SLC25A13: variants seen among roughly 807,000 people sequenced by gnomAD.
SLC25A13 encodes the protein electrogenic aspartate/glutamate antiporter SLC25A13, mitochondrial.
A neutral mutation model predicts 85.5 loss-of-function variants in SLC25A13; 70 were observed. That is an observed-to-expected ratio of 0.82 (90% CI 0.68 to 1.00). SLC25A13 has a LOEUF of 1.00. Ranked by LOEUF, SLC25A13 falls within the 50% of genes least tolerant of loss-of-function variation. The probability of loss-of-function intolerance (pLI) is 0.00; values close to 1 mark genes in which losing one functional copy is unlikely to be tolerated. For synonymous variants in SLC25A13, 259 were observed against 288.7 expected, an observed-to-expected ratio of 0.90 and a Z score of 1.04; for missense variants, 765 against 819.8, an observed-to-expected ratio of 0.93 and a Z score of 0.82.
At chr7:96,281,426 A>G (rs1385096112) in intron 2 of SLC25A13, among the ~76,000 whole-genome samples, 1 of 152,054 alleles carries the variant, frequency 6.6e-6, no homozygotes, top group Non-Finnish European at 1.5e-5. Flanking sequence ...ACTAACTCCA[A>G]CTACATATGA....
chr7:96,129,875 T>C (rs1428154236), intron 15 of SLC25A13, among the ~76,000 whole-genome samples: 1 of 152,190 alleles, frequency 6.6e-6, no homozygotes, highest in Admixed American at 6.5e-5. Flanking sequence ...TGGGTAACAA[T>C]GCTTAAGACA....
In SLC25A13 at chr7:96,121,877, C is replaced by G; in HGVS notation, c.1712G>C (p.Arg571Pro). Reference protein sequence around the residue: ...GVIDCFRKILREEGPKALWKG... With the variant: ...GVIDCFRKILPEEGPKALWKG... ...CCACAGAGCTTTTGGTCCTTCTTCACGCAGTATCTTTCTAAAGCAGTCTAT... is the reference window on the plus strand; with the variant it reads ...CCACAGAGCTTTTGGTCCTTCTTCAGGCAGTATCTTTCTAAAGCAGTCTAT... The change falls in exon 16 of 18, where the codon CGT (arginine) becomes CCT (proline). Residue 571 changes from arginine (R) to proline (P), a missense_variant. Arg to Pro is a moderately radical substitution (Grantham distance 103, BLOSUM62 -2). Coordinates refer to ENST00000265631, the MANE Select transcript of SLC25A13 (RefSeq NM_014251.3). The G allele has an allele frequency of 1.2e-6, 2 of 1,614,174 alleles. No homozygotes were observed. Among genetic ancestry groups the G allele is most frequent in the Non-Finnish European group, 1.7e-6 (2 of 1,180,036 alleles).
chr7:96,294,719 C>T (rs575721882), intron 2 of SLC25A13, among the ~76,000 whole-genome samples: 1 of 152,280 alleles, frequency 6.6e-6, no homozygotes, highest in Admixed American at 6.5e-5. Flanking sequence ...ACTCTGTCAT[C>T]CAGGCTGGAA....
At chr7:96,175,707 G>C (rs911713333) in intron 11 of SLC25A13, among the ~76,000 whole-genome samples, 2 of 152,210 alleles carry the variant, frequency 1.3e-5, no homozygotes, top group East Asian at 1.9e-4. Context: ...GTGGCTTTTA[G>C]GGTAAAAAGT....
chr7:96,287,326 GT>G (rs1278152935), intron 2 of SLC25A13, among the ~76,000 whole-genome samples: 1 of 152,094 alleles, frequency 6.6e-6, no homozygotes, highest in African/African-American at 2.4e-5. Context: ...TTCAGGTATG[GT>G]CCCCCTGACG....
chr7:96,255,370 G>C (rs774718123), intron 3 of SLC25A13, among the ~76,000 whole-genome samples: 11 of 152,150 alleles, frequency 7.2e-5, no homozygotes, highest in Non-Finnish European at 1.5e-4. Context: ...AGCATGAATG[G>C]AAAATTTTTT....
Position 96,283,070 on chromosome 7 carries a change from C to T in SLC25A13, c.70-5732G>A, listed in dbSNP as rs1040962815. Among the ~76,000 whole-genome samples, 2 of 152,132 alleles carry T rather than the reference C, an allele frequency of 1.3e-5. 1 individual carries two copies. On this transcript the variant is annotated intron_variant, in intron 2 of 17. Transcript: ENST00000265631. ...GCAGTCTACCAAGGGGAATCACAAG[C>T]CTTAATATGTTCTAAACCCATTCTA...
chr7:96,131,674 T>C, intron 15 of SLC25A13, 69 bp downstream of exon 15: 1 of 1,606,888 alleles, frequency 6.2e-7, no homozygotes, highest in Non-Finnish European at 8.5e-7. Context: ...TTCAATGTAG[T>C]AGCATGCAGC....
At chr7:96,248,346 C>A (rs1797284184) in intron 3 of SLC25A13, among the ~76,000 whole-genome samples, 1 of 152,096 alleles carries the variant, frequency 6.6e-6, no homozygotes, top group Admixed American at 6.6e-5. Flanking sequence ...GCAGCAAGGG[C>A]AGGGGGACTC....
intron 4 of SLC25A13, among the ~76,000 whole-genome samples, chr7:96,220,429 G>A (rs1318346353): frequency 1.3e-5 from 2 of 152,108 alleles, no homozygotes; most frequent in Non-Finnish European, 2.9e-5. Flanking sequence ...TACCTAAACT[G>A]TAATTTTCTC....
In SLC25A13 at chr7:96,121,271, T is replaced by G. The variant is rs1791490476; in HGVS notation, c.1948A>C (p.Ile650Leu). 1 of 1,614,164 alleles carries G rather than the reference T, an allele frequency of 6.2e-7. No individual in the cohort carries two copies. The change falls in exon 18 of 18, where the codon ATT (isoleucine) becomes CTT (leucine). Residue 650 changes from isoleucine to leucine, a missense_variant. By Grantham distance (5) the Ile-to-Leu change is conservative. Transcript: ENST00000265631. ...YKLAVATFAGIENKFGLYLPL... is the reference protein window; with the variant it reads ...YKLAVATFAGLENKFGLYLPL... ...AGGTAAAGTCCAAATTTGTTTTCAATCCCTGCAAATGTAGCAACTGCCAGT... is the reference window on the plus strand; with the variant it reads ...AGGTAAAGTCCAAATTTGTTTTCAAGCCCTGCAAATGTAGCAACTGCCAGT...
At chr7:96,135,908 A>G (rs955104338) in intron 14 of SLC25A13, among the ~76,000 whole-genome samples, 6 of 144,934 alleles carry the variant, frequency 4.1e-5, no homozygotes, top group Non-Finnish European at 8.9e-5. Context: ...CTCTGCCCTT[A>G]AACATTCTCT....
chr7:96,251,989 C>T (rs577066774), intron 3 of SLC25A13, among the ~76,000 whole-genome samples: 4 of 152,194 alleles, frequency 2.6e-5, no homozygotes, highest in East Asian at 1.9e-4. Flanking sequence ...CAGATGAATA[C>T]AGCAGTTATG....
intron 12 of SLC25A13, 87 bp downstream of exon 12, chr7:96,171,385 A>G: frequency 8.0e-7 from 1 of 1,246,272 alleles, no homozygotes; most frequent in Non-Finnish European, 1.2e-6. Context: ...TGAGAAAACA[A>G]ACCTGCTGTT....
At chr7:96,244,927 C>G (rs1002523462) in intron 3 of SLC25A13, among the ~76,000 whole-genome samples, 23 of 152,082 alleles carry the variant, frequency 1.5e-4, no homozygotes, top group Non-Finnish European at 7.3e-5. Context: ...ATCACCTCTG[C>G]ATATATCACT....
rs1792805451 is a variant in SLC25A13, at chr7:96,146,606, C to T, written c.1402G>A (p.Val468Ile). The T allele has an allele frequency of 3.1e-6, 5 of 1,613,754 alleles. No homozygotes were observed. Among genetic ancestry groups the T allele is most frequent in the Non-Finnish European group, 4.2e-6 (5 of 1,179,976 alleles). The change falls in exon 14 of 18, where the codon GTC (valine) becomes ATC (isoleucine). Residue 468 changes from valine (V) to isoleucine (I), a missense_variant. Transcript: ENST00000265631. ...TCCCGCACGACAGACAGAGCACTGA[C>T]TCGAGGACCAGTGGTGATTTCTCCT... ...VAGEITTGPR[V>I]SALSVVRDLG...
At chr7:96,306,744 A>C in intron 1 of SLC25A13, 13 of 1,108,872 alleles carry the variant, frequency 1.2e-5, no homozygotes, top group Admixed American at 5.4e-5. Flanking sequence ...TGTGCCCTTC[A>C]TCCCTCTGCA....
intron 2 of SLC25A13, among the ~76,000 whole-genome samples, chr7:96,290,164 C>T (rs1799058900): frequency 6.6e-6 from 1 of 152,094 alleles, no homozygotes; most frequent in African/African-American, 2.4e-5. Context: ...AATTTCATAT[C>T]CAGCCAAACT....
chr7:96,314,134 GAGGAGAAAGGATGA>G (rs916524859), intron 1 of SLC25A13, among the ~76,000 whole-genome samples: 1 of 152,030 alleles, frequency 6.6e-6, no homozygotes, highest in Non-Finnish European at 1.5e-5. Context: ...AGGAAGGAAG[GAGGAGAAAGGATGA>G]AGGACGAAGA....
Sources: allele counts gnomAD v4.1 joint callset (sites outside exome capture counted in the v4.1 genomes callset), GRCh38; gene constraint gnomAD v4.1.1; transcripts MANE v1.5; gene names NCBI Gene and HGNC (gene_info 2026-07-23, HGNC 2026-07-21).